PROKR1: variants seen among roughly 807,000 people sequenced by gnomAD.
The protein encoded by PROKR1 is prokineticin receptor 1.
PROKR1 carries 21 observed loss-of-function variants against 22.8 expected under a neutral mutation model. The observed-to-expected ratio is 0.92, with a 90% CI of 0.65 to 1.32. The LOEUF is 1.32. Ranked by LOEUF, PROKR1 falls within the 40% of genes most tolerant of loss-of-function variation. The pLI, the probability that PROKR1 is intolerant of heterozygous loss-of-function variation, is 0.00. For synonymous variants in PROKR1, 193 were observed against 207.5 expected, an observed-to-expected ratio of 0.93 and a Z score of 0.60; for missense variants, 548 against 514.2, an observed-to-expected ratio of 1.07 and a Z score of -0.64.
chr2:68,654,132 C>G (rs1028581792), intron 2 of PROKR1, among the ~76,000 whole-genome samples: 1 of 152,202 alleles, frequency 6.6e-6, no homozygotes, highest in African/African-American at 2.4e-5. Context: ...CCTTTGCCCA[C>G]TGTTTCCATT....
chr2:68,644,835 C>T (rs1016473995), intron 1 of PROKR1, among the ~76,000 whole-genome samples: 20 of 152,254 alleles, frequency 1.3e-4, no homozygotes, highest in African/African-American at 4.6e-4. Context: ...CTGACACCCC[C>T]CTAGACCCCT....
Position 68,655,139 on chromosome 2 carries a change from A to C in PROKR1, c.745A>C (p.Thr249Pro), listed in dbSNP as rs1444745979. 6.2e-7 allele frequency: 1 copy of C among 1,614,050 alleles called. No homozygotes were observed. The part of the protein sequence containing the change: ...IEFVGPVVTM[T>P]LCYARISREL... The stretch of plus-strand genomic sequence containing the variant: ...ATTCGTGGGCCCCGTGGTCACCATG[A>C]CCCTGTGCTATGCCAGGATCTCCCG... Residue 249 changes from threonine to proline, a missense_variant, in exon 3 of 3, where the codon ACC becomes CCC. Coordinates refer to ENST00000303786, the MANE Select transcript of PROKR1 (RefSeq NM_138964.4).
intron 2 of PROKR1, among the ~76,000 whole-genome samples, chr2:68,647,489 G>C (rs1298106739): frequency 6.6e-6 from 1 of 152,156 alleles, no homozygotes. Context: ...CTGTTCTCTG[G>C]CCTCAAGGAT....
intron 2 of PROKR1, among the ~76,000 whole-genome samples, chr2:68,646,814 G>A (rs187262440): frequency 9.2e-5 from 14 of 152,300 alleles, no homozygotes; most frequent in East Asian, 1.9e-4. Context: ...TTGGGAGGCC[G>A]AGATAGGAGG....
chr2:68,651,671 C>CA (rs1558579182), intron 2 of PROKR1, among the ~76,000 whole-genome samples: 1 of 152,210 alleles, frequency 6.6e-6, no homozygotes, highest in South Asian at 2.1e-4. Context: ...TATCTCTGCC[C>CA]ATCCCATGAC....
Position 68,645,812 on chromosome 2 carries a change from A to T in PROKR1, c.-10A>T. On this transcript the variant is annotated 5_prime_UTR_variant, in exon 2 of 3. Transcript: ENST00000303786. The stretch of plus-strand genomic sequence containing the variant: ...TCTGAGCAGTGTTGCTCACAGCACC[A>T]CCTGGCCAGATGGAGACCACCATGG... 6.2e-7 allele frequency: 1 copy of T among 1,614,146 alleles called. No homozygotes were observed. Among genetic ancestry groups the T allele is most frequent in the East Asian group, 2.2e-5 (1 of 44,880 alleles).
At chr2:68,648,924 T>G (rs936023422) in intron 2 of PROKR1, among the ~76,000 whole-genome samples, 2 of 152,238 alleles carry the variant, frequency 1.3e-5, no homozygotes, top group Non-Finnish European at 2.9e-5. Flanking sequence ...GAAAGCCTAT[T>G]GTATTGGGTT....
chr2:68,646,636 C>T (rs2104180971), intron 2 of PROKR1, among the ~76,000 whole-genome samples: 1 of 152,270 alleles, frequency 6.6e-6, no homozygotes, highest in South Asian at 2.1e-4. Context: ...AAACTTTAAG[C>T]GTCAGGCAGT....
Position 68,651,171 on chromosome 2 carries a change from G to C in PROKR1, c.486-3709G>C, listed in dbSNP as rs942218091. ...GAGCTCAGGAGTTCAAGATCAGCCT[G>C]GGCAACATAGGTAGATCCTGTCTCT... is the stretch of plus-strand genomic sequence containing the variant. On this transcript the variant is annotated intron_variant, in intron 2 of 2. Transcript: ENST00000303786. Among the ~76,000 whole-genome samples, 3 of 152,008 alleles carry C rather than the reference G, an allele frequency of 2.0e-5. No individual in the cohort carries two copies. In the South Asian group the frequency reaches 6.2e-4, roughly 32 times the overall value.
At chr2:68,645,118 T>C (rs1318101365) in intron 1 of PROKR1, among the ~76,000 whole-genome samples, 2 of 152,202 alleles carry the variant, frequency 1.3e-5, no homozygotes, top group African/African-American at 4.8e-5. Context: ...CATCACTTGG[T>C]TAGTCACAGG....
chr2:68,653,313 T>G (rs527501335), intron 2 of PROKR1, among the ~76,000 whole-genome samples: 1 of 152,062 alleles, frequency 6.6e-6, no homozygotes, highest in Middle Eastern at 3.2e-3. Flanking sequence ...TTATTTAACA[T>G]CTGGGGCTAG....
At position 68,645,653 on chromosome 2, in the gene PROKR1, C is replaced by T. The variant is rs1673158416; in HGVS notation, c.-160-9C>T. 4 of 963,514 alleles carry T rather than the reference C, an allele frequency of 4.2e-6. No homozygotes were observed. In the South Asian group the frequency reaches 6.4e-5, roughly 15 times the overall value. 59.7% of individuals were successfully genotyped at this position (963,514 alleles called of 1,614,324 possible). On this transcript the variant is annotated splice_polypyrimidine_tract_variant and intron_variant, in intron 1 of 2. Transcript: ENST00000303786. ...AACATATAGCCAACTGTTTGTATGT[C>T]TTTCAAAGGTTTAGAATGGAGCTCA...
At position 68,647,335 on chromosome 2, in the gene PROKR1, C is replaced by A. The variant is rs1016224810; in HGVS notation, c.485+1029C>A. On this transcript the variant is annotated intron_variant, in intron 2 of 2. Transcript: ENST00000303786. ...GGACAATCTTTGCTAGCTCCTCTGC[C>A]CACAGCTGGACTGTCATTACAAAGC... Among the ~76,000 whole-genome samples, 6 of 152,262 alleles carry A rather than the reference C, an allele frequency of 3.9e-5. No homozygotes were observed. In the East Asian group the frequency reaches 1.2e-3, roughly 29 times the overall value.
intron 2 of PROKR1, among the ~76,000 whole-genome samples, chr2:68,646,509 G>A (rs1259683912): frequency 6.6e-6 from 1 of 152,240 alleles, no homozygotes; most frequent in Non-Finnish European, 1.5e-5. Context: ...ACAGAAGACA[G>A]CAGAGCCCTC....
intron 2 of PROKR1, among the ~76,000 whole-genome samples, chr2:68,646,723 C>T (rs554471447): frequency 3.9e-5 from 6 of 152,278 alleles, no homozygotes; most frequent in African/African-American, 1.4e-4. Context: ...ATATGACCTT[C>T]TAGCATCATC....
At chr2:68,647,216 A>G (rs954202060) in intron 2 of PROKR1, among the ~76,000 whole-genome samples, 4 of 152,218 alleles carry the variant, frequency 2.6e-5, no homozygotes, top group Non-Finnish European at 2.9e-5. Flanking sequence ...AAATAAAATC[A>G]GTAAGAGCAG....
chr2:68,651,836 C>T (rs562541742), intron 2 of PROKR1, among the ~76,000 whole-genome samples: 21 of 152,352 alleles, frequency 1.4e-4, no homozygotes, highest in Non-Finnish European at 1.8e-4. Flanking sequence ...ATTCCTTGTT[C>T]TCTGGGAACT....
chr2:68,654,823 A>AAAG lies in PROKR1; in HGVS notation c.486-57_486-56insAAG, dbSNP rs1553384454. On this transcript the variant is annotated intron_variant, in intron 2 of 2. Transcript: ENST00000303786. ...CCCTGTTTCAAAAAAAAAAAAAAAA[A>AAAG]GATTATCCAGCACTTCTTTCTCACA... is the stretch of plus-strand genomic sequence containing the variant. The AAAG allele has an allele frequency of 7.0e-6, 10 of 1,425,102 alleles. No individual in the cohort carries two copies. In the African/African-American group the frequency reaches 1.5e-4, roughly 21 times the overall value. 88.3% of individuals were successfully genotyped at this position (1,425,102 alleles called of 1,614,324 possible).
At position 68,645,981 on chromosome 2, in the gene PROKR1, A is replaced by G; in HGVS notation, c.160A>G (p.Asn54Asp). The stretch of plus-strand genomic sequence containing the variant: ...TTTGGATGAAGATGAGGATGTGACC[A>G]ATTCCAGGACGTTCTTTGCTGCCAA... ...MPLDEDEDVT[N>D]SRTFFAAKIV... The change falls in exon 2 of 3, where the codon AAT (asparagine) becomes GAT (aspartate). Residue 54 changes from asparagine to aspartate, a missense_variant. Asn to Asp is a conservative substitution (Grantham distance 23). Coordinates refer to ENST00000303786, the MANE Select transcript of PROKR1 (RefSeq NM_138964.4). 1 of 1,614,246 alleles carries G rather than the reference A, an allele frequency of 6.2e-7. No homozygotes were observed. The highest frequency in any genetic ancestry group is 8.5e-7 in the Non-Finnish European group (1 of 1,180,048).
Sources: gnomAD v4.1 joint callset for allele counts (sites outside exome capture counted in the v4.1 genomes callset) on GRCh38, gnomAD v4.1.1 for gene constraint, MANE v1.5 for transcripts, NCBI Gene and HGNC (gene_info 2026-07-23, HGNC 2026-07-21) for gene names.